Variants in C12orf42 observed in about 807,000 individuals in gnomAD.
C12orf42 encodes the protein uncharacterized protein C12orf42.
C12orf42 carries 25 observed loss-of-function variants against 21.6 expected under a neutral mutation model. The observed-to-expected ratio is 1.16, with a 90% CI of 0.84 to 1.62. The LOEUF is 1.62. Among genes scored for constraint, C12orf42 ranks in the 40% most tolerant of loss-of-function variants. The pLI is 0.00. For missense variants in C12orf42, 483 were observed against 459.3 expected (o/e 1.05, Z -0.47); for synonymous variants, 174 against 175.0 (o/e 0.99, Z 0.05).
chr12:103,486,788 T>C (rs1255096411), intron 1 of C12orf42, among the ~76,000 whole-genome samples: 1 of 152,214 alleles, frequency 6.6e-6, no homozygotes, highest in African/African-American at 2.4e-5. Context: ...TTTGTATTTC[T>C]GTGGGATCAG....
chr12:103,063,007 C>A, the C12orf42 span, among the ~76,000 whole-genome samples: 7 of 152,130 alleles, frequency 4.6e-5, no homozygotes, highest in African/African-American at 1.7e-4. Flanking sequence ...TAGTCCTTGG[C>A]ATGAATTGTT....
At chr12:103,146,563 A>AGAAAGAAAGAAT in the C12orf42 span, among the ~76,000 whole-genome samples, 13 of 123,734 alleles carry the variant, frequency 1.1e-4, no homozygotes, top group Admixed American at 6.9e-4. Flanking sequence ...AAGAAAGAAA[A>AGAAAGAAAGAAT]GAAAGAAAGA....
chr12:103,439,089 T>C (rs1167810854), intron 2 of C12orf42, among the ~76,000 whole-genome samples: 4 of 151,984 alleles, frequency 2.6e-5, no homozygotes, highest in African/African-American at 9.7e-5. Context: ...AACAGAGCCC[T>C]CAGAAATAAT....
At chr12:103,077,871 T>C in the C12orf42 span, among the ~76,000 whole-genome samples, 1 of 152,330 alleles carries the variant, frequency 6.6e-6, no homozygotes, top group African/African-American at 2.4e-5. Context: ...TCCACAATAG[T>C]TGCCCTCATT....
At chr12:103,478,555 T>C in intron 1 of C12orf42, 108 bp from the exon 2 acceptor site, 2 of 479,682 alleles carry the variant, frequency 4.2e-6, no homozygotes, top group Non-Finnish European at 7.1e-6. Flanking sequence ...TCCATGAACA[T>C]AGTATTTCTT....
At chr12:103,163,474 T>C in the C12orf42 span, among the ~76,000 whole-genome samples, 2 of 152,162 alleles carry the variant, frequency 1.3e-5, no homozygotes, top group Admixed American at 6.5e-5. Flanking sequence ...GCCCTTGTGT[T>C]TGAGCTGAGG....
At chr12:103,073,161 C>T in the C12orf42 span, among the ~76,000 whole-genome samples, 4 of 152,036 alleles carry the variant, frequency 2.6e-5, no homozygotes, top group African/African-American at 9.7e-5. Context: ...GAACAACACA[C>T]AGTGGGACCT....
At chr12:103,238,004 A>C (rs1489014637) in intron 10 of C12orf42, 1 of 152,212 alleles carries the variant, frequency 6.6e-6, no homozygotes, top group Non-Finnish European at 1.5e-5. Context: ...CAATGCGATT[A>C]ATATACTGCA....
At chr12:103,521,542 G>T in the C12orf42 span, among the ~76,000 whole-genome samples, 2 of 152,110 alleles carry the variant, frequency 1.3e-5, no homozygotes, top group African/African-American at 4.8e-5. Flanking sequence ...GTGAGTGGTG[G>T]GAGGGAGAGC....
rs1205193380 is a variant in C12orf42, at chr12:103,306,076, C to A, written c.529G>T (p.Ala177Ser). The A allele has an allele frequency of 2.5e-6, 4 of 1,613,842 alleles. No homozygotes were observed. The African/African-American group carries it at 4.0e-5, about 16-fold the overall frequency. ...AGGTGAACAGGATTTACTGAGTGTG[C>A]CCAGTTAGGCTTTTTAACCAGTTGT... The part of the protein sequence containing the change: ...LEQLVKKPNW[A>S]HSVNPVHLEA... Residue 177 changes from alanine (A) to serine (S), a missense_variant, in exon 5 of 6, where the codon GCA becomes TCA. Coordinates refer to ENST00000548883, the MANE Select transcript of C12orf42 (RefSeq NM_198521.5).
intron 2 of C12orf42, among the ~76,000 whole-genome samples, chr12:103,435,242 C>T (rs532280695): frequency 4.6e-5 from 7 of 152,234 alleles, no homozygotes; most frequent in African/African-American, 1.4e-4. Flanking sequence ...ACACCAAAAA[C>T]CCATCTGTAC....
chr12:103,094,199 C>A, the C12orf42 span, among the ~76,000 whole-genome samples: 2 of 152,138 alleles, frequency 1.3e-5, no homozygotes, highest in African/African-American at 4.8e-5. Flanking sequence ...CTCATTCCTC[C>A]CACCTATTTT....
intron 10 of C12orf42, among the ~76,000 whole-genome samples, chr12:103,249,966 A>C (rs186692748): frequency 1.5e-4 from 23 of 152,226 alleles, no homozygotes; most frequent in African/African-American, 5.3e-4. Flanking sequence ...AAGTTATGAC[A>C]ATATTCCCTG....
intron 4 of C12orf42, among the ~76,000 whole-genome samples, chr12:103,294,419 AAGGAG>A (rs1485198680): frequency 9.2e-4 from 114 of 124,078 alleles, no homozygotes; most frequent in Admixed American, 1.8e-3. Context: ...GAAAGAGAGA[AAGGAG>A]AGAGAGAAAG....
the C12orf42 span, among the ~76,000 whole-genome samples, chr12:103,165,869 C>T: frequency 6.6e-6 from 1 of 151,854 alleles, no homozygotes; most frequent in Non-Finnish European, 1.5e-5. Flanking sequence ...GGTGAAACCC[C>T]ATCTCTACTA....
chr12:103,141,026 C>A, the C12orf42 span, among the ~76,000 whole-genome samples: 2 of 152,196 alleles, frequency 1.3e-5, no homozygotes, highest in African/African-American at 4.8e-5. Flanking sequence ...CAAGTAAATA[C>A]CTTCAGCATA....
At chr12:103,502,504 GCCTTTGCTCTTGCCACT>G in the C12orf42 span, among the ~76,000 whole-genome samples, 1 of 151,884 alleles carries the variant, frequency 6.6e-6, no homozygotes, top group Non-Finnish European at 1.5e-5. Context: ...CCGTGTGCCT[GCCTTTGCTCTTGCCACT>G]CCCTTTGCAG....
chr12:103,238,062 C>T (rs2033535696), intron 10 of C12orf42, among the ~76,000 whole-genome samples: 2 of 152,142 alleles, frequency 1.3e-5, no homozygotes. Flanking sequence ...GACAAATCTG[C>T]ACCCTAGAGT....
intron 4 of C12orf42, among the ~76,000 whole-genome samples, chr12:103,294,444 A>AAGAGAGAAAGGAGAGAG (rs1555245925): frequency 6.5e-4 from 83 of 127,158 alleles, no homozygotes; most frequent in African/African-American, 2.7e-3. Context: ...GAAAGAAAGA[A>AAGAGAGAAAGGAGAGAG]AGAAAGAAAG....
Sources: gnomAD v4.1 joint callset for allele counts (sites outside exome capture counted in the v4.1 genomes callset) on GRCh38, gnomAD v4.1.1 for gene constraint, MANE v1.5 for transcripts, NCBI Gene and HGNC (gene_info 2026-07-23, HGNC 2026-07-21) for gene names.